Variants in NIPSNAP2 observed in about 807,000 individuals in gnomAD.
NIPSNAP2 encodes protein NipSnap homolog 2.
In NIPSNAP2, 42 loss-of-function variants were observed where a neutral mutation model predicts 48.4. The ratio of observed to expected loss-of-function variants is 0.87; its 90% CI spans 0.68 to 1.12. The LOEUF is 1.12. Ranked by LOEUF, NIPSNAP2 falls within the 50% of genes most tolerant of loss-of-function variation. NIPSNAP2 has a pLI of 0.00. For missense variants in NIPSNAP2, 314 were observed against 347.3 expected (o/e 0.90, Z 0.76); for synonymous variants, 158 against 126.6 (o/e 1.25, Z -1.67).
At chr7:55,982,335 G>A in intron 5 of NIPSNAP2, 55 bp downstream of exon 5, 1 of 1,013,716 alleles carries the variant, frequency 9.9e-7, no homozygotes, top group Non-Finnish European at 1.5e-6. Flanking sequence ...TGTTAGTACA[G>A]AATTAAATGA....
At chr7:55,995,585 T>C (rs1584352913) in intron 8 of NIPSNAP2, among the ~76,000 whole-genome samples, 1 of 152,152 alleles carries the variant, frequency 6.6e-6, no homozygotes, top group African/African-American at 2.4e-5. Context: ...CTGTATATGG[T>C]GTGCAACCCT....
chr7:55,987,137 T>G (rs533802158), intron 7 of NIPSNAP2, among the ~76,000 whole-genome samples: 1 of 151,860 alleles, frequency 6.6e-6, no homozygotes, highest in East Asian at 1.9e-4. Flanking sequence ...GCACTCCCAG[T>G]GAGACCCTGT....
intron 1 of NIPSNAP2, chr7:55,965,031 A>C (rs1360919164): frequency 6.3e-6 from 1 of 157,662 alleles, no homozygotes; most frequent in Non-Finnish European, 1.4e-5. Flanking sequence ...GGCCAGGGAC[A>C]GGGACAGCGC....
intron 8 of NIPSNAP2, 68 bp downstream of exon 8, chr7:55,995,056 G>A: frequency 1.5e-6 from 2 of 1,307,888 alleles, no homozygotes. Context: ...CTGGGAAGTA[G>A]AGCACATCTT....
At chr7:55,968,066 A>G (rs1358579423) in intron 1 of NIPSNAP2, among the ~76,000 whole-genome samples, 1 of 152,170 alleles carries the variant, frequency 6.6e-6, no homozygotes, top group Non-Finnish European at 1.5e-5. Flanking sequence ...CTAGGATTAT[A>G]GGTGTGAGCC....
In NIPSNAP2 at chr7:55,978,316, C is replaced by T. The variant is rs1290742945; in HGVS notation, c.233-34C>T. ...TAGTTGACTTTTTTTCCCCTTTGTT[C>T]CTAAGTTTATCGTTGAATTTTCTTT... On this transcript the variant is annotated intron_variant, in intron 2 of 9. Transcript: ENST00000322090. 3.1e-6 allele frequency: 5 copies of T among 1,613,172 alleles called. No individual in the cohort carries two copies. In the Admixed American group the frequency reaches 8.4e-5, roughly 27 times the overall value.
intron 7 of NIPSNAP2, among the ~76,000 whole-genome samples, chr7:55,985,309 T>C (rs1787302600): frequency 6.6e-6 from 1 of 152,224 alleles, no homozygotes; most frequent in African/African-American, 2.4e-5. Context: ...ACTTTTGTCA[T>C]ATATACACAC....
intron 1 of NIPSNAP2, among the ~76,000 whole-genome samples, chr7:55,967,981 G>A (rs886064969): frequency 1.3e-5 from 2 of 151,730 alleles, no homozygotes; most frequent in Non-Finnish European, 2.9e-5. Context: ...AGAGAGGGGG[G>A]TCTTGCTATG....
chr7:55,993,369 G>T (rs560456806), intron 7 of NIPSNAP2, among the ~76,000 whole-genome samples: 1 of 151,636 alleles, frequency 6.6e-6, no homozygotes, highest in African/African-American at 2.4e-5. Context: ...CCGAAGCGGG[G>T]CAGATCGAGA....
intron 8 of NIPSNAP2, 135 bp downstream of exon 8, chr7:55,995,123 C>A: frequency 1.4e-6 from 1 of 716,398 alleles, no homozygotes; most frequent in Admixed American, 2.2e-5. Context: ...ACAGTCTGTA[C>A]GGGGCTGTCT....
At chr7:55,967,226 T>G (rs1014336773) in intron 1 of NIPSNAP2, among the ~76,000 whole-genome samples, 1 of 152,232 alleles carries the variant, frequency 6.6e-6, no homozygotes, top group Non-Finnish European at 1.5e-5. Flanking sequence ...TCTTTGGTTG[T>G]TCTTCTCCAG....
intron 7 of NIPSNAP2, among the ~76,000 whole-genome samples, chr7:55,993,776 A>G (rs1270208445): frequency 1.3e-5 from 2 of 152,108 alleles, no homozygotes; most frequent in Non-Finnish European, 2.9e-5. Flanking sequence ...GCAGTGGGAA[A>G]TTCTTAAAGT....
At chr7:55,978,624 C>G in intron 3 of NIPSNAP2, 3 of 512,226 alleles carry the variant, frequency 5.9e-6, no homozygotes, top group Non-Finnish European at 1.0e-5. Context: ...AGAATGTTAC[C>G]AGACTCTTGT....
chr7:55,986,831 A>G (rs1316725655), intron 7 of NIPSNAP2, among the ~76,000 whole-genome samples: 1 of 151,962 alleles, frequency 6.6e-6, no homozygotes, highest in Non-Finnish European at 1.5e-5. Context: ...AGATAACTCA[A>G]TTAAAAAATG....
chr7:55,965,951 ACCCTGG>A (rs1786884887), intron 1 of NIPSNAP2, among the ~76,000 whole-genome samples: 1 of 152,162 alleles, frequency 6.6e-6, no homozygotes, highest in Admixed American at 6.6e-5. Context: ...AGCTGAGTGG[ACCCTGG>A]CACTGAGAGT....
At chr7:55,966,100 G>T (rs1474999395) in intron 1 of NIPSNAP2, among the ~76,000 whole-genome samples, 3 of 152,134 alleles carry the variant, frequency 2.0e-5, no homozygotes, top group African/African-American at 7.2e-5. Context: ...CAGGAGGGCT[G>T]GGGAAGAAGA....
Position 55,983,884 on chromosome 7 carries a change from T to C in NIPSNAP2, c.585+16T>C, listed in dbSNP as rs746360913. On this transcript the variant is annotated intron_variant, in intron 6 of 9. Coordinates refer to ENST00000322090, the MANE Select transcript of NIPSNAP2 (RefSeq NM_001483.3). ...CCAACTCCGAGTAAGTACAGAAATA[T>C]AAGTTATTCCTTTTACTCCTCTGTG... 3.7e-6 allele frequency: 6 copies of C among 1,608,194 alleles called. No individual in the cohort carries two copies. The highest frequency in any genetic ancestry group is 5.1e-6 in the Non-Finnish European group (6 of 1,177,188).
At chr7:55,998,248 CAA>C (rs879897370) in intron 9 of NIPSNAP2, among the ~76,000 whole-genome samples, 1 of 127,802 alleles carries the variant, frequency 7.8e-6, no homozygotes. Flanking sequence ...GAATCCGTCT[CAA>C]AAAAAAAAAA....
At chr7:55,988,795 G>A (rs1288935384) in intron 7 of NIPSNAP2, among the ~76,000 whole-genome samples, 1 of 152,058 alleles carries the variant, frequency 6.6e-6, no homozygotes, top group African/African-American at 2.4e-5. Context: ...AACCCAGGAG[G>A]TGGAGGTTGC....
Sources: allele counts gnomAD v4.1 joint callset (sites outside exome capture counted in the v4.1 genomes callset), GRCh38; gene constraint gnomAD v4.1.1; transcripts MANE v1.5; gene names NCBI Gene and HGNC (gene_info 2026-07-23, HGNC 2026-07-21).